Variants in LTN1 observed in about 807,000 individuals in gnomAD.
LTN1 encodes E3 ubiquitin-protein ligase listerin.
In LTN1, 88 loss-of-function variants were observed where a neutral mutation model predicts 201.2. The observed-to-expected ratio is 0.44, with a 90% CI of 0.37 to 0.52. The LOEUF (loss-of-function observed/expected upper bound fraction) is 0.52, where lower values mean the gene tolerates loss of function less well. Among genes scored for constraint, LTN1 ranks in the 20% least tolerant of loss-of-function variants. The pLI, the probability that LTN1 is intolerant of heterozygous loss-of-function variation, is 0.00. For synonymous variants in LTN1, 645 were observed against 713.5 expected, an observed-to-expected ratio of 0.90 and a Z score of 1.53; for missense variants, 1,752 against 2,038.7, an observed-to-expected ratio of 0.86 and a Z score of 2.71.
At chr21:28,967,383 C>G (rs2084535632) in intron 9 of LTN1, among the ~76,000 whole-genome samples, 1 of 152,098 alleles carries the variant, frequency 6.6e-6, no homozygotes, top group Non-Finnish European at 1.5e-5. Context: ...CTAGAACTTT[C>G]AATACCTCCC....
intron 3 of LTN1, among the ~76,000 whole-genome samples, 197 bp downstream of exon 3, chr21:28,985,942 T>A (rs2084694957): frequency 6.6e-6 from 1 of 152,204 alleles, no homozygotes; most frequent in South Asian, 2.1e-4. Flanking sequence ...ATTACAGGCA[T>A]GAGCCACCAT....
At chr21:28,964,416 A>G (rs2146295489) in intron 11 of LTN1, among the ~76,000 whole-genome samples, 1 of 152,352 alleles carries the variant, frequency 6.6e-6, no homozygotes, top group Admixed American at 6.5e-5. Flanking sequence ...AGCACTGTTT[A>G]GCAATAAATT....
At chr21:28,933,208 G>A (rs1163267431) in intron 27 of LTN1, among the ~76,000 whole-genome samples, 1 of 102,582 alleles carries the variant, frequency 9.7e-6, no homozygotes, top group Non-Finnish European at 1.8e-5. Context: ...AATCATGATA[G>A]CTCATTTTAA....
intron 9 of LTN1, chr21:28,968,085 T>A (rs2084541603): frequency 2.6e-5 from 4 of 152,172 alleles, no homozygotes; most frequent in Admixed American, 6.5e-5. Flanking sequence ...AAACACTATT[T>A]CATATTTAAT....
At position 28,992,827 on chromosome 21, in the gene LTN1, C is replaced by G. The variant is rs763137490; in HGVS notation, c.-22G>C. ...CCATGGTCGCGGTTGCAGCTGTACTCTGAGCACTCAGACCCCGGTTGACAC... is the reference window on the plus strand; with the variant it reads ...CCATGGTCGCGGTTGCAGCTGTACTGTGAGCACTCAGACCCCGGTTGACAC... On this transcript the variant is annotated 5_prime_UTR_variant, in exon 1 of 30. Transcript: ENST00000361371. 3 of 1,614,238 alleles carry G rather than the reference C, an allele frequency of 1.9e-6. No individual in the cohort carries two copies. The highest frequency in any genetic ancestry group is 1.7e-6 in the Non-Finnish European group (2 of 1,180,038).
chr21:28,931,099 G>T, intron 29 of LTN1, 56 bp downstream of exon 29: 1 of 927,618 alleles, frequency 1.1e-6, no homozygotes, highest in Non-Finnish European at 1.7e-6. Flanking sequence ...GTGTGTGTGT[G>T]TTTATGTGTA....
chr21:28,936,078 C>T (rs536280580), intron 26 of LTN1, among the ~76,000 whole-genome samples: 1 of 152,308 alleles, frequency 6.6e-6, no homozygotes, highest in Non-Finnish European at 1.5e-5. Context: ...TCAATACTCA[C>T]AAGATGCAGT....
intron 21 of LTN1, among the ~76,000 whole-genome samples, chr21:28,945,481 T>TA (rs960972874): frequency 9.2e-5 from 14 of 152,170 alleles, no homozygotes; most frequent in African/African-American, 3.4e-4. Flanking sequence ...AGAAATAATC[T>TA]AATTATAACC....
At position 28,930,373 on chromosome 21, in the gene LTN1, C is replaced by T. The variant is rs2146249170; in HGVS notation, c.*75G>A. 8.9e-7 allele frequency: 1 copy of T among 1,124,826 alleles called. No individual in the cohort carries two copies. The highest frequency in any genetic ancestry group is 1.3e-6 in the Non-Finnish European group (1 of 764,202). The allele number at this position is 1,124,826 out of a possible 1,614,324, so 69.7% of individuals were successfully genotyped here. On this transcript the variant is annotated 3_prime_UTR_variant, in exon 30 of 30. Transcript: ENST00000361371. ...GTAATGCTCACTGGCTTCCCCACAT[C>T]CACACTTTCAGACGGATCCAAATCC...
At chr21:28,985,882 A>T (rs562527150) in intron 3 of LTN1, among the ~76,000 whole-genome samples, 1 of 151,978 alleles carries the variant, frequency 6.6e-6, no homozygotes, top group Non-Finnish European at 1.5e-5. Context: ...GCTGGTCTCA[A>T]ACTCCTGACC....
At chr21:28,978,395 A>G (rs2084633013) in intron 6 of LTN1, among the ~76,000 whole-genome samples, 1 of 152,226 alleles carries the variant, frequency 6.6e-6, no homozygotes, top group Non-Finnish European at 1.5e-5. Flanking sequence ...AAAAATAAAC[A>G]GTTTACTAGG....
chr21:28,968,164 C>T (rs1000171676), intron 9 of LTN1, among the ~76,000 whole-genome samples: 1 of 152,144 alleles, frequency 6.6e-6, no homozygotes, highest in East Asian at 1.9e-4. Context: ...TCATATCATA[C>T]AAGAGCTTAA....
chr21:28,942,589 A>T (rs921654780), intron 24 of LTN1, among the ~76,000 whole-genome samples: 6 of 152,164 alleles, frequency 3.9e-5, no homozygotes, highest in African/African-American at 1.4e-4. Context: ...ATTAAGTGGT[A>T]ACTACTCAAT....
intron 4 of LTN1, among the ~76,000 whole-genome samples, 158 bp from the exon 5 acceptor site, chr21:28,982,526 T>C (rs758740937): frequency 1.3e-5 from 2 of 152,246 alleles, no homozygotes; most frequent in Non-Finnish European, 2.9e-5. Flanking sequence ...GTTTGAATTT[T>C]ACCAATTTTC....
chr21:28,985,929 G>A (rs370297962), intron 3 of LTN1, among the ~76,000 whole-genome samples: 1 of 152,014 alleles, frequency 6.6e-6, no homozygotes, highest in African/African-American at 2.4e-5. Context: ...CCAAAGTGCT[G>A]GGATTACAGG....
intron 1 of LTN1, among the ~76,000 whole-genome samples, chr21:28,990,116 A>C (rs961137966): frequency 4.6e-5 from 7 of 152,186 alleles, no homozygotes; most frequent in Non-Finnish European, 7.3e-5. Flanking sequence ...CATGTTTGCA[A>C]CACTTGCCTT....
At position 28,943,665 on chromosome 21, in the gene LTN1, A is replaced by G; in HGVS notation, c.4220+2T>C. ...CATTGATTCAATTGGATGAATTCTT[A>G]CTTGTATAGCATATGATAAACAGCA... On this transcript the variant is annotated splice_donor_variant, in intron 23 of 29. Transcript: ENST00000361371. LOFTEE classifies it high-confidence loss of function. 1 of 1,568,902 alleles carries G rather than the reference A, an allele frequency of 6.4e-7. No homozygotes were observed. The highest frequency in any genetic ancestry group is 8.8e-7 in the Non-Finnish European group (1 of 1,138,942).
At chr21:28,964,592 T>G (rs577122765) in intron 11 of LTN1, 2 of 1,540,034 alleles carry the variant, frequency 1.3e-6, no homozygotes, top group South Asian at 1.2e-5. Flanking sequence ...CTCTGAGATA[T>G]GCCAGTATGA....
At chr21:28,940,134 A>G (rs548472730) in intron 25 of LTN1, among the ~76,000 whole-genome samples, 2 of 152,364 alleles carry the variant, frequency 1.3e-5, no homozygotes, top group Admixed American at 1.3e-4. Flanking sequence ...AAAAGAAGGC[A>G]CATATTTTAT....
Sources: gnomAD v4.1 joint callset for allele counts (sites outside exome capture counted in the v4.1 genomes callset) on GRCh38, gnomAD v4.1.1 for gene constraint, MANE v1.5 for transcripts, NCBI Gene and HGNC (gene_info 2026-07-23, HGNC 2026-07-21) for gene names.